The following MARVELD2 variants were observed in gnomAD, a reference collection of about 807,000 sequenced individuals.
The protein encoded by MARVELD2 is MARVEL domain-containing protein 2.
In MARVELD2, 49 loss-of-function variants were observed where a neutral mutation model predicts 57.6. That is an observed-to-expected ratio of 0.85 (90% CI 0.68 to 1.08). The LOEUF is 1.08. MARVELD2 is among the 50% of genes least tolerant of loss of function. MARVELD2 has a pLI of 0.00. For synonymous variants in MARVELD2, 238 were observed against 258.8 expected (o/e 0.92, Z 0.77); for missense variants, 606 against 701.1 (o/e 0.86, Z 1.53).
At chr5:69,421,227 A>G (rs1766617590) in intron 2 of MARVELD2, among the ~76,000 whole-genome samples, 1 of 152,208 alleles carries the variant, frequency 6.6e-6, no homozygotes, top group African/African-American at 2.4e-5. Context: ...ATAATAACTG[A>G]AGGATGAGAT....
chr5:69,442,004 T>C lies in MARVELD2; in HGVS notation c.*350T>C, dbSNP rs1313679235. 5.3e-6 allele frequency: 1 copy of C among 189,082 alleles called. No individual in the cohort carries two copies. Among genetic ancestry groups the C allele is most frequent in the East Asian group, 1.4e-4 (1 of 7,042 alleles). 11.7% of individuals were successfully genotyped at this position (189,082 alleles called of 1,614,324 possible). A position where few individuals can be genotyped will look rare whatever the true frequency, so the allele number is the denominator to read the frequency against. On this transcript the variant is annotated 3_prime_UTR_variant, in exon 7 of 7. Coordinates refer to ENST00000325631, the MANE Select transcript of MARVELD2 (RefSeq NM_001038603.3). ...AGAAGCAAGCGCTTCCCAAATCAGC[T>C]TCCAATTGGTTTAACCAGTATGCAA...
intron 1 of MARVELD2, among the ~76,000 whole-genome samples, chr5:69,416,658 A>T (rs764265080): frequency 3.3e-5 from 5 of 152,218 alleles, no homozygotes; most frequent in South Asian, 2.1e-4. Flanking sequence ...CCATAAATCG[A>T]TAAGTGTAGA....
rs143351847 is a variant in MARVELD2 at position 69,420,246 on chromosome 5, T to G, written c.861T>G (p.Asn287Lys). Reference protein sequence around the residue: ...MYYRTILLDSNWWPLTEFGIN... With the variant: ...MYYRTILLDSKWWPLTEFGIN... The stretch of plus-strand genomic sequence containing the variant: ...ACCGGACCATTCTTCTGGACTCTAA[T>G]TGGTGGCCCCTAACTGAATTTGGAA... The change falls in exon 2 of 7, where the codon AAT becomes AAG. Residue 287 changes from asparagine (N) to lysine (K), a missense_variant. Physicochemically the swap from Asn to Lys is moderately conservative, Grantham distance 94. Transcript: ENST00000325631. The G allele has an allele frequency of 8.7e-6, 14 of 1,614,084 alleles. No homozygotes were observed. The highest frequency in any genetic ancestry group is 1.0e-5 in the Non-Finnish European group (12 of 1,180,036).
chr5:69,436,408 C>A (rs888509022), intron 5 of MARVELD2, among the ~76,000 whole-genome samples: 1 of 100,980 alleles, frequency 9.9e-6, no homozygotes, highest in Non-Finnish European at 2.0e-5. Flanking sequence ...TGGGAACACA[C>A]ACACACACAC....
chr5:69,440,494 A>C lies in MARVELD2; in HGVS notation c.1548A>C (p.Lys516Asn). The C allele has an allele frequency of 7.0e-7, 1 of 1,432,550 alleles. No individual in the cohort carries two copies. Among genetic ancestry groups the C allele is most frequent in the South Asian group, 1.1e-5 (1 of 87,114 alleles). The allele number at this position is 1,432,550 out of a possible 1,614,324, so 88.7% of individuals were successfully genotyped here. ...ISRIHEEFKK[K>N]KNDPTFLEKK... Reference sequence around the variant, plus strand: ...GAATCCATGAAGAGTTTAAGAAAAAAAAGAATGTGAGTAAAACAGTTTTCT... The same window carrying C: ...GAATCCATGAAGAGTTTAAGAAAAACAAGAATGTGAGTAAAACAGTTTTCT... The change falls in exon 6 of 7, where the codon AAA (lysine) becomes AAC (asparagine). Residue 516 changes from lysine (K) to asparagine (N), a missense_variant. By Grantham distance (94) the Lys-to-Asn change is moderately conservative (BLOSUM62 0). Transcript: ENST00000325631.
In MARVELD2 at chr5:69,440,528, T is replaced by A. The variant is rs749152892; in HGVS notation, c.1554+28T>A. ...GAGTAAAACAGTTTTCTTCAAACTG[T>A]ATTCTTATCCAAGTACATATGTGAT... is the stretch of plus-strand genomic sequence containing the variant. On this transcript the variant is annotated intron_variant, in intron 6 of 6. Transcript: ENST00000325631. 13 of 1,242,024 alleles carry A rather than the reference T, an allele frequency of 1.0e-5. 1 individual carries two copies. The highest frequency in any genetic ancestry group is 1.4e-5 in the Non-Finnish European group (12 of 846,080). The allele number at this position is 1,242,024 out of a possible 1,614,324, so 76.9% of individuals were successfully genotyped here. A position where few individuals can be genotyped will look rare whatever the true frequency, so the allele number is the denominator to read the frequency against.
rs913418336 is a variant in MARVELD2 at position 69,442,675 on chromosome 5, A to C, written c.*1021A>C. Reference sequence around the variant, plus strand: ...GGTGCCTTTCTGGTTTGTGGTGTTAACTCATGGCCTTAGCCTGGTGCTTCA... The same window carrying C: ...GGTGCCTTTCTGGTTTGTGGTGTTACCTCATGGCCTTAGCCTGGTGCTTCA... On this transcript the variant is annotated 3_prime_UTR_variant, in exon 7 of 7. Transcript: ENST00000325631. 3 of 152,082 alleles carry C rather than the reference A, an allele frequency of 2.0e-5. No homozygotes were observed. Among genetic ancestry groups the C allele is most frequent in the African/African-American group, 7.2e-5 (3 of 41,404 alleles). 9.4% of individuals were successfully genotyped at this position (152,082 alleles called of 1,614,324 possible).
chr5:69,419,358 A>G lies in MARVELD2; in HGVS notation c.-15-13A>G. The G allele has an allele frequency of 6.2e-7, 1 of 1,613,918 alleles. No homozygotes were observed. Among genetic ancestry groups the G allele is most frequent in the Non-Finnish European group, 8.5e-7 (1 of 1,179,830 alleles). On this transcript the variant is annotated splice_polypyrimidine_tract_variant and intron_variant, in intron 1 of 6. Coordinates refer to ENST00000325631, the MANE Select transcript of MARVELD2 (RefSeq NM_001038603.3). ...TAACTAATCATAAGTGATAACTTTA[A>G]ATTTGGCCACAGGTGTGAAAATCAC...
chr5:69,434,140 C>G (rs1767061314), intron 5 of MARVELD2, among the ~76,000 whole-genome samples: 1 of 151,980 alleles, frequency 6.6e-6, no homozygotes, highest in South Asian at 2.1e-4. Context: ...ACCCCAGGCC[C>G]AAAGGCAGAG....
In MARVELD2 at chr5:69,441,908, A is replaced by G. The variant is rs1767340576; in HGVS notation, c.*254A>G. On this transcript the variant is annotated 3_prime_UTR_variant, in exon 7 of 7. Coordinates refer to ENST00000325631, the MANE Select transcript of MARVELD2 (RefSeq NM_001038603.3). ...TTTCACCATGTTGGTCAGGCTGGGA[A>G]ACTACTTTTTTTAAAAAATAGCAAG... 7.5e-6 allele frequency: 2 copies of G among 267,970 alleles called. No individual in the cohort carries two copies. Among genetic ancestry groups the G allele is most frequent in the Non-Finnish European group, 1.4e-5 (2 of 139,560 alleles). The allele number at this position is 267,970 out of a possible 1,614,324, so 16.6% of individuals were successfully genotyped here.
intron 1 of MARVELD2, chr5:69,418,956 C>T (rs1331510037): frequency 6.1e-6 from 1 of 163,128 alleles, no homozygotes; most frequent in African/African-American, 2.4e-5. Context: ...GAGACAGAGA[C>T]TCACTGTGTC....
At chr5:69,415,409 A>G (rs1295490091) in intron 1 of MARVELD2, 5 of 151,984 alleles carry the variant, frequency 3.3e-5, no homozygotes, top group Admixed American at 2.0e-4. Flanking sequence ...CCTCGGGGCG[A>G]TCTCGGTGCT....
intron 2 of MARVELD2, 90 bp downstream of exon 2, chr5:69,420,621 C>G: frequency 8.1e-7 from 1 of 1,232,102 alleles, no homozygotes; most frequent in Non-Finnish European, 1.1e-6. Context: ...GCGCTCAAAA[C>G]AGAAAGCTTT....
At chr5:69,420,613 G>A (rs1013965825) in intron 2 of MARVELD2, 82 bp downstream of exon 2, 44 of 1,313,470 alleles carry the variant, frequency 3.3e-5, no homozygotes, top group Middle Eastern at 2.3e-4. Context: ...AATGTATAGC[G>A]CTCAAAACAG....
At position 69,420,641 on chromosome 5, in the gene MARVELD2, C is replaced by A. The variant is rs186628098; in HGVS notation, c.1146+110C>A. On this transcript the variant is annotated intron_variant, in intron 2 of 6. Transcript: ENST00000325631. ...CAAAACAGAAAGCTTTCATAGAAAT[C>A]TTTTCTTTCTTCCTTTTTTTTTTTT... The A allele has an allele frequency of 2.3e-4, 232 of 1,009,042 alleles. 1 individual carries two copies. The African/African-American group carries it at 3.1e-3, about 14-fold the overall frequency. 62.5% of individuals were successfully genotyped at this position (1,009,042 alleles called of 1,614,324 possible).
intron 3 of MARVELD2, among the ~76,000 whole-genome samples, chr5:69,429,124 C>A (rs983175814): frequency 6.6e-6 from 1 of 152,088 alleles, no homozygotes; most frequent in South Asian, 2.1e-4. Context: ...GACCAAGTGG[C>A]GAGGCATGCT....
At chr5:69,428,613 C>T (rs528293038) in intron 3 of MARVELD2, among the ~76,000 whole-genome samples, 1 of 39,136 alleles carries the variant, frequency 2.6e-5, no homozygotes, top group East Asian at 7.4e-4. Context: ...AAAGGTAAGT[C>T]TTACAATTAG....
At chr5:69,416,433 G>A (rs774678319) in intron 1 of MARVELD2, among the ~76,000 whole-genome samples, 8 of 152,206 alleles carry the variant, frequency 5.3e-5, no homozygotes, top group Non-Finnish European at 1.2e-4. Flanking sequence ...TCTCCAGTCT[G>A]TACATACCCT....
At position 69,419,679 on chromosome 5, in the gene MARVELD2, A is replaced by G; in HGVS notation, c.294A>G (p.Glu98=). 6.2e-7 allele frequency: 1 copy of G among 1,614,182 alleles called. No individual in the cohort carries two copies. Among genetic ancestry groups the G allele is most frequent in the Non-Finnish European group, 8.5e-7 (1 of 1,180,046 alleles). The change falls in exon 2 of 7, where the codon GAA becomes GAG. Residue 98 remains glutamate (E), a synonymous_variant. Coordinates refer to ENST00000325631, the MANE Select transcript of MARVELD2 (RefSeq NM_001038603.3). ...NFFRGKKKDP[E]WDKPVSDIRY... The stretch of plus-strand genomic sequence containing the variant: ...TCAGAGGGAAGAAAAAGGACCCCGA[A>G]TGGGATAAGCCGGTGTCTGATATCA...
Sources: allele counts gnomAD v4.1 joint callset (sites outside exome capture counted in the v4.1 genomes callset), GRCh38; gene constraint gnomAD v4.1.1; transcripts MANE v1.5; gene names NCBI Gene and HGNC (gene_info 2026-07-23, HGNC 2026-07-21).